The following WWOX variants were observed in gnomAD, a reference collection of about 807,000 sequenced individuals.
The protein encoded by WWOX is WW domain containing oxidoreductase, also known as WW domain-containing oxidoreductase.
A neutral mutation model predicts 46.2 loss-of-function variants in WWOX; 69 were observed. The ratio of observed to expected loss-of-function variants is 1.49; its 90% CI spans 1.23 to 1.82. The LOEUF (loss-of-function observed/expected upper bound fraction) is 1.82, where lower values mean the gene tolerates loss of function less well. Among genes scored for constraint, WWOX ranks in the 40% most tolerant of loss-of-function variants. WWOX has a pLI of 0.00. For synonymous variants in WWOX, 359 were observed against 202.6 expected, an observed-to-expected ratio of 1.77 and a Z score of -6.56; for missense variants, 919 against 542.6, an observed-to-expected ratio of 1.69 and a Z score of -6.89.
chr16:78,481,019 A>G (rs2084472783), intron 8 of WWOX, among the ~76,000 whole-genome samples: 1 of 152,256 alleles, frequency 6.6e-6, no homozygotes, highest in Admixed American at 6.5e-5. Flanking sequence ...TCTTGTGCAA[A>G]GTAAACACAA....
chr16:79,063,111 T>A (rs2048383653), intron 8 of WWOX, among the ~76,000 whole-genome samples: 1 of 152,242 alleles, frequency 6.6e-6, no homozygotes, highest in Non-Finnish European at 1.5e-5. Context: ...CAAATCTGGA[T>A]GGTGCTTTTG....
intron 8 of WWOX, among the ~76,000 whole-genome samples, chr16:78,740,266 C>T (rs886468417): frequency 3.3e-5 from 5 of 152,206 alleles, no homozygotes; most frequent in African/African-American, 4.8e-5. Flanking sequence ...TGATGCGACT[C>T]AGACGGCTGC....
At chr16:78,746,935 G>T (rs190825594) in intron 8 of WWOX, among the ~76,000 whole-genome samples, 38 of 152,184 alleles carry the variant, frequency 2.5e-4, no homozygotes, top group Admixed American at 2.3e-3. Flanking sequence ...CCCATCCCTA[G>T]TGGCTTCCTA....
intron 5 of WWOX, among the ~76,000 whole-genome samples, chr16:78,368,982 C>G (rs1009932361): frequency 6.6e-6 from 1 of 152,142 alleles, no homozygotes; most frequent in African/African-American, 2.4e-5. Context: ...CTGCATTTCT[C>G]AGTCTCCCCA....
At chr16:78,602,419 A>G (rs1368429756) in intron 8 of WWOX, among the ~76,000 whole-genome samples, 2 of 152,204 alleles carry the variant, frequency 1.3e-5, no homozygotes, top group Non-Finnish European at 2.9e-5. Flanking sequence ...TTTTTAGTGG[A>G]GACGGGGTTT....
At chr16:79,052,087 G>A (rs1450516321) in intron 8 of WWOX, among the ~76,000 whole-genome samples, 3 of 147,540 alleles carry the variant, frequency 2.0e-5, no homozygotes, top group Admixed American at 1.4e-4. Flanking sequence ...TGTGCACGTT[G>A]TGCAGGTTAG....
At chr16:78,271,924 C>T (rs1247805864) in intron 5 of WWOX, among the ~76,000 whole-genome samples, 1 of 152,160 alleles carries the variant, frequency 6.6e-6, no homozygotes, top group Non-Finnish European at 1.5e-5. Flanking sequence ...GATAACTTAA[C>T]AAGCATTGTG....
chr16:78,889,463 A>G (rs1161579962), intron 8 of WWOX, among the ~76,000 whole-genome samples: 7 of 151,182 alleles, frequency 4.6e-5, no homozygotes, highest in Non-Finnish European at 8.8e-5. Flanking sequence ...CAGAGTGATC[A>G]TTCTTGCCCT....
chr16:78,401,535 A>G (rs1185197158), intron 6 of WWOX, among the ~76,000 whole-genome samples: 2 of 152,178 alleles, frequency 1.3e-5, no homozygotes, highest in African/African-American at 2.4e-5. Flanking sequence ...GTGGGAGTAT[A>G]TATGATTTAG....
At chr16:78,709,813 C>G (rs1309154122) in intron 8 of WWOX, among the ~76,000 whole-genome samples, 1 of 151,502 alleles carries the variant, frequency 6.6e-6, no homozygotes, top group South Asian at 2.1e-4. Context: ...ACTGCAACCT[C>G]CGTCTTCTGG....
intron 8 of WWOX, among the ~76,000 whole-genome samples, chr16:78,973,101 C>T (rs1315313379): frequency 6.6e-6 from 1 of 152,204 alleles, no homozygotes; most frequent in Non-Finnish European, 1.5e-5. Context: ...CAAATTCATG[C>T]ATTAAAATCC....
intron 8 of WWOX, among the ~76,000 whole-genome samples, chr16:78,681,086 T>C (rs2047718245): frequency 6.6e-6 from 1 of 152,022 alleles, no homozygotes; most frequent in African/African-American, 2.4e-5. Context: ...CCATCTGTAA[T>C]AAAAATGCAA....
At chr16:79,011,048 A>G (rs930545717) in intron 8 of WWOX, among the ~76,000 whole-genome samples, 2 of 152,084 alleles carry the variant, frequency 1.3e-5, no homozygotes, top group African/African-American at 4.8e-5. Context: ...ACTTCTGTAT[A>G]TAAATATATG....
chr16:79,159,631 T>A (rs949742570), intron 8 of WWOX, among the ~76,000 whole-genome samples: 1 of 152,160 alleles, frequency 6.6e-6, no homozygotes, highest in African/African-American at 2.4e-5. Context: ...AGATTGTCTC[T>A]CCCCGTGTCC....
chr16:79,197,343 C>T (rs2051260717), intron 8 of WWOX, among the ~76,000 whole-genome samples: 1 of 152,192 alleles, frequency 6.6e-6, no homozygotes, highest in South Asian at 2.1e-4. Context: ...TGGATCATAG[C>T]AGCTTCCAAG....
At chr16:78,981,422 G>T (rs1348721137) in intron 8 of WWOX, among the ~76,000 whole-genome samples, 2 of 148,900 alleles carry the variant, frequency 1.3e-5, no homozygotes, top group Admixed American at 6.8e-5. Context: ...CATCCAGGAT[G>T]ATGTTTATAT....
chr16:78,151,938 C>A (rs1219422120), intron 4 of WWOX, among the ~76,000 whole-genome samples: 1 of 152,178 alleles, frequency 6.6e-6, no homozygotes, highest in Admixed American at 6.5e-5. Flanking sequence ...CGCCTGTAAT[C>A]CCAGCACTTT....
intron 5 of WWOX, among the ~76,000 whole-genome samples, chr16:78,185,935 G>A (rs562665039): frequency 6.6e-6 from 1 of 152,256 alleles, no homozygotes; most frequent in East Asian, 1.9e-4. Context: ...GAAAGCGTTG[G>A]GATTACAGGT....
At chr16:78,463,861 T>C (rs1327608409) in intron 8 of WWOX, among the ~76,000 whole-genome samples, 3 of 152,182 alleles carry the variant, frequency 2.0e-5, no homozygotes, top group African/African-American at 7.2e-5. Context: ...TTTAAGAGGG[T>C]GAGCTAAACT....
Sources: allele counts gnomAD v4.1 joint callset (sites outside exome capture counted in the v4.1 genomes callset), GRCh38; gene constraint gnomAD v4.1.1; transcripts MANE v1.5; gene names NCBI Gene and HGNC (gene_info 2026-07-23, HGNC 2026-07-21).